Variants in GPR153 observed in about 807,000 individuals in gnomAD.
GPR153 encodes the protein probable G protein-coupled receptor 153.
GPR153 carries 27 observed loss-of-function variants against 34.1 expected under a neutral mutation model. The ratio of observed to expected loss-of-function variants is 0.79; its 90% CI spans 0.58 to 1.09. The LOEUF (loss-of-function observed/expected upper bound fraction) is 1.09. Among genes scored for constraint, GPR153 ranks in the 50% least tolerant of loss-of-function variants. GPR153 has a pLI of 0.00. For synonymous variants in GPR153, 408 were observed against 405.4 expected, an observed-to-expected ratio of 1.01 and a Z score of -0.08; for missense variants, 848 against 860.2, an observed-to-expected ratio of 0.99 and a Z score of 0.18.
At chr1:6,254,445 A>C (rs965866179) in intron 2 of GPR153, 105 bp downstream of exon 2, 1 of 1,062,646 alleles carries the variant, frequency 9.4e-7, no homozygotes, top group Non-Finnish European at 1.4e-6. Context: ...CCCTCCCAGC[A>C]TGCCACAGGT....
At chr1:6,255,652 T>TTTG (rs1553152919) in intron 1 of GPR153, among the ~76,000 whole-genome samples, 1,464 of 123,422 alleles carry the variant, frequency 0.012, 119 homozygotes, top group African/African-American at 0.051. Flanking sequence ...GTTTTTTTTT[T>TTTG]TTTTTTTTTT....
rs762035967 is a variant in GPR153 at position 6,251,336 on chromosome 1, A to G, written c.979+2T>C. ...CTGGGGCCACTCTCAGGCCATCCTC[A>G]CCATCGTCTGACTCCTCGTCGTTGG... On this transcript the variant is annotated splice_donor_variant, in intron 4 of 5. Coordinates refer to ENST00000377893, the MANE Select transcript of GPR153 (RefSeq NM_207370.4). LOFTEE classifies it high-confidence loss of function. This position sits in a 1 kb window ranked among gnomAD's most constrained non-coding sequence, Gnocchi z 4.9. 2 of 1,599,202 alleles carry G rather than the reference A, an allele frequency of 1.3e-6. No homozygotes were observed. Among genetic ancestry groups the G allele is most frequent in the South Asian group, 2.2e-5 (2 of 89,126 alleles).
In GPR153 at chr1:6,254,545, C is replaced by A. The variant is rs777859910; in HGVS notation, c.356+5G>T. The A allele has an allele frequency of 1.9e-6, 3 of 1,551,932 alleles. No individual in the cohort carries two copies. Among genetic ancestry groups the A allele is most frequent in the East Asian group, 2.3e-5 (1 of 44,430 alleles). On this transcript the variant is annotated splice_donor_5th_base_variant and intron_variant, in intron 2 of 5. Transcript: ENST00000377893. ...CCCAAGAACCCCAGAACTTCACATG[C>A]TCACCGGTAGTTGACAGGCCAGCAG...
At chr1:6,255,657 T>TTG (rs1553152925) in intron 1 of GPR153, among the ~76,000 whole-genome samples, 6 of 137,060 alleles carry the variant, frequency 4.4e-5, no homozygotes, top group African/African-American at 5.4e-5. Context: ...TTTTTTTTTT[T>TTG]TTTTTTTTTT....
chr1:6,249,833 C>A lies in GPR153; in HGVS notation c.1335G>T (p.Glu445Asp). The A allele has an allele frequency of 8.1e-7, 1 of 1,233,476 alleles. No individual in the cohort carries two copies. Among genetic ancestry groups the A allele is most frequent in the Non-Finnish European group, 1.0e-6 (1 of 987,632 alleles). 76.4% of individuals were successfully genotyped at this position (1,233,476 alleles called of 1,614,324 possible). Reference sequence around the variant, plus strand: ...GGCGCGCGCGGGACGGTGGTGCGTCCTCCGCGAAGGCCAGGAGGCTGGCGC... The same window carrying A: ...GGCGCGCGCGGGACGGTGGTGCGTCATCCGCGAAGGCCAGGAGGCTGGCGC... ...RRRASLLAFA[E>D]DAPPSRARRR... Residue 445 changes from glutamate (E) to aspartate (D), a missense_variant, in exon 6 of 6, where the codon GAG (glutamate) becomes GAT (aspartate). Glu to Asp is a conservative substitution (Grantham distance 45, BLOSUM62 2). Coordinates refer to ENST00000377893, the MANE Select transcript of GPR153 (RefSeq NM_207370.4). This position sits in a 1 kb window ranked among gnomAD's most constrained non-coding sequence, Gnocchi z 4.3.
chr1:6,251,576 T>C lies in GPR153; in HGVS notation c.787-46A>G, dbSNP rs911080496. Reference sequence around the variant, plus strand: ...CTGGCACCTGCAGGACCCCCCACCATCACACAAGCTCCCCCTGAGTCTCGG... The same window carrying C: ...CTGGCACCTGCAGGACCCCCCACCACCACACAAGCTCCCCCTGAGTCTCGG... On this transcript the variant is annotated intron_variant, in intron 3 of 5. Coordinates refer to ENST00000377893, the MANE Select transcript of GPR153 (RefSeq NM_207370.4). The surrounding 1 kb of genome is among the most constrained non-coding windows in gnomAD (Gnocchi z 4.9). 2.7e-6 allele frequency: 4 copies of C among 1,504,148 alleles called. No individual in the cohort carries two copies. The highest frequency in any genetic ancestry group is 2.1e-5 in the Admixed American group (1 of 48,044). 93.2% of individuals were successfully genotyped at this position (1,504,148 alleles called of 1,614,324 possible). A position where few individuals can be genotyped will look rare whatever the true frequency, so the allele number is the denominator to read the frequency against.
chr1:6,255,640 A>C (rs1252661282), intron 1 of GPR153, among the ~76,000 whole-genome samples: 2 of 67,786 alleles, frequency 3.0e-5, no homozygotes, highest in Admixed American at 2.1e-4. Flanking sequence ...ATGCCTGGCT[A>C]CGTTTTTTTT....
At position 6,249,783 on chromosome 1, in the gene GPR153, G is replaced by A; in HGVS notation, c.1385C>T (p.Ser462Leu). The A allele has an allele frequency of 8.6e-7, 1 of 1,166,050 alleles. No homozygotes were observed. The highest frequency in any genetic ancestry group is 1.1e-6 in the Non-Finnish European group (1 of 947,168). 72.2% of individuals were successfully genotyped at this position (1,166,050 alleles called of 1,614,324 possible). ...ARRRSAESLL[S>L]LRPSALDSGP... ...GCTATCCAGGGCCGAGGGCCGCAGC[G>A]ACAGCAGGCTCTCGGCCGAGCGGCG... Residue 462 changes from serine to leucine, a missense_variant, in exon 6 of 6, where the codon TCG (serine) becomes TTG (leucine). Physicochemically the swap from Ser to Leu is moderately radical, Grantham distance 145. Transcript: ENST00000377893. This position sits in a 1 kb window ranked among gnomAD's most constrained non-coding sequence, Gnocchi z 4.3.
intron 3 of GPR153, among the ~76,000 whole-genome samples, chr1:6,252,444 T>C (rs1638470539): frequency 1.3e-5 from 2 of 152,120 alleles, no homozygotes; most frequent in Admixed American, 6.5e-5. Context: ...CCGAGGTGCC[T>C]TGTGGGTCTC....
In GPR153 at chr1:6,249,257, G is replaced by C. The variant is rs1075751; in HGVS notation, c.*81C>G. ...AGGGGTGGCGCATGTCTGCGCGCGGGGCGGAGGCGGGCGTCTTTGGTGCTG... is the reference window on the plus strand; with the variant it reads ...AGGGGTGGCGCATGTCTGCGCGCGGCGCGGAGGCGGGCGTCTTTGGTGCTG... On this transcript the variant is annotated 3_prime_UTR_variant, in exon 6 of 6. Coordinates refer to ENST00000377893, the MANE Select transcript of GPR153 (RefSeq NM_207370.4). The surrounding 1 kb of genome is among the most constrained non-coding windows in gnomAD (Gnocchi z 4.3). The C allele has an allele frequency of 1.2e-4, 128 of 1,043,608 alleles. No homozygotes were observed. In the East Asian group the frequency reaches 1.3e-3, roughly 10 times the overall value. 64.6% of individuals were successfully genotyped at this position (1,043,608 alleles called of 1,614,324 possible). A position where few individuals can be genotyped will look rare whatever the true frequency, so the allele number is the denominator to read the frequency against.
At chr1:6,250,343 CAGA>C in intron 5 of GPR153, 94 bp downstream of exon 5, 2 of 1,461,606 alleles carry the variant, frequency 1.4e-6, no homozygotes, top group South Asian at 2.9e-5. Flanking sequence ...CCTGCGACTG[CAGA>C]AGGCGTGAGA....
chr1:6,252,837 C>A (rs921238094), intron 3 of GPR153, among the ~76,000 whole-genome samples: 1 of 152,156 alleles, frequency 6.6e-6, no homozygotes, highest in African/African-American at 2.4e-5. Context: ...CCAGCTTCAC[C>A]AAGAGGACCC....
chr1:6,255,201 AT>A (rs34855494), intron 1 of GPR153, among the ~76,000 whole-genome samples, 187 bp from the exon 2 acceptor site: 96,889 of 141,854 alleles, frequency 0.68, 32,376 homozygotes, highest in Admixed American at 0.73. Context: ...AGGTAAGACT[AT>A]TTTTTTTTTT....
At chr1:6,258,806 T>C (rs1638614951) in intron 1 of GPR153, among the ~76,000 whole-genome samples, 1 of 149,912 alleles carries the variant, frequency 6.7e-6, no homozygotes, top group Non-Finnish European at 1.5e-5. Context: ...GTGAACAAGC[T>C]CTGTCTAGCC....
intron 1 of GPR153, among the ~76,000 whole-genome samples, chr1:6,258,393 T>G (rs1487907531): frequency 6.6e-6 from 1 of 152,166 alleles, no homozygotes; most frequent in Non-Finnish European, 1.5e-5. Context: ...CCTCCCGAAG[T>G]GCTGGGATTA....
Position 6,249,636 on chromosome 1 carries a change from T to G in GPR153, c.1532A>C (p.Glu511Ala). Reference protein sequence around the residue: ...DAFALTAFECEPQALRRPPGP... With the variant: ...DAFALTAFECAPQALRRPPGP... Reference sequence around the variant, plus strand: ...GGGCGGGCGGCGCAGGGCCTGTGGCTCGCACTCGAAGGCGGTCAGGGCGAA... The same window carrying G: ...GGGCGGGCGGCGCAGGGCCTGTGGCGCGCACTCGAAGGCGGTCAGGGCGAA... Residue 511 changes from glutamate to alanine, a missense_variant, in exon 6 of 6, where the codon GAG becomes GCG. Glu to Ala is a moderately radical substitution (Grantham distance 107). Coordinates refer to ENST00000377893, the MANE Select transcript of GPR153 (RefSeq NM_207370.4). The surrounding 1 kb of genome is among the most constrained non-coding windows in gnomAD (Gnocchi z 4.3). 9.1e-7 allele frequency: 1 copy of G among 1,100,016 alleles called. No homozygotes were observed. Among genetic ancestry groups the G allele is most frequent in the Non-Finnish European group, 1.1e-6 (1 of 905,144 alleles). The allele number at this position is 1,100,016 out of a possible 1,614,324, so 68.1% of individuals were successfully genotyped here.
chr1:6,254,059 A>T lies in GPR153; in HGVS notation c.445T>A (p.Trp149Arg). ...TAGAAGCGCTCGCTGGTGTCGTGCC[A>T]GCCAACGGCAGGCAGGGCCGACAGG... Reference protein sequence around the residue: ...FILSALPAVGWHDTSERFYTH... With the variant: ...FILSALPAVGRHDTSERFYTH... Residue 149 changes from tryptophan to arginine, a missense_variant, in exon 3 of 6, where the codon TGG (tryptophan) becomes AGG (arginine). By Grantham distance (101) the Trp-to-Arg change is moderately radical (BLOSUM62 -3). Coordinates refer to ENST00000377893, the MANE Select transcript of GPR153 (RefSeq NM_207370.4). 1 of 1,613,520 alleles carries T rather than the reference A, an allele frequency of 6.2e-7. No individual in the cohort carries two copies. The highest frequency in any genetic ancestry group is 8.5e-7 in the Non-Finnish European group (1 of 1,179,972).
chr1:6,258,842 G>C (rs968176845), intron 1 of GPR153, among the ~76,000 whole-genome samples: 2 of 152,092 alleles, frequency 1.3e-5, no homozygotes, highest in South Asian at 4.1e-4. Flanking sequence ...CGCCCACCCT[G>C]TCCATGTGTT....
chr1:6,251,557 C>G lies in GPR153; in HGVS notation c.787-27G>C. On this transcript the variant is annotated intron_variant, in intron 3 of 5. Transcript: ENST00000377893. This position sits in a 1 kb window ranked among gnomAD's most constrained non-coding sequence, Gnocchi z 4.9. ...TGTGGGCACAGGGCTCGGCCTGGCACCTGCAGGACCCCCCACCATCACACA... is the reference window on the plus strand; with the variant it reads ...TGTGGGCACAGGGCTCGGCCTGGCAGCTGCAGGACCCCCCACCATCACACA... 6.5e-7 allele frequency: 1 copy of G among 1,540,500 alleles called. No homozygotes were observed. Among genetic ancestry groups the G allele is most frequent in the Non-Finnish European group, 8.7e-7 (1 of 1,147,126 alleles).
Sources: gnomAD v4.1 joint callset for allele counts (sites outside exome capture counted in the v4.1 genomes callset) on GRCh38, gnomAD v4.1.1 for gene constraint, Gnocchi (gnomAD v3.1) non-coding constraint, MANE v1.5 for transcripts, NCBI Gene and HGNC (gene_info 2026-07-23, HGNC 2026-07-21) for gene names.